PBX4: variants seen among roughly 807,000 people sequenced by gnomAD.
The protein encoded by PBX4 is PBX homeobox 4, also known as pre-B-cell leukemia transcription factor 4.
PBX4 carries 26 observed loss-of-function variants against 35.1 expected under a neutral mutation model. The observed-to-expected ratio is 0.74, with a 90% CI of 0.54 to 1.03. The LOEUF is 1.03. PBX4 is among the 50% of genes least tolerant of loss of function. PBX4 has a pLI of 0.00. For synonymous variants in PBX4, 199 were observed against 204.2 expected (o/e 0.97, Z 0.22); for missense variants, 448 against 504.3 (o/e 0.89, Z 1.07).
intron 4 of PBX4, among the ~76,000 whole-genome samples, 162 bp downstream of exon 4, chr19:19,569,947 T>A (rs1477502083): frequency 6.6e-6 from 1 of 152,106 alleles, no homozygotes; most frequent in Non-Finnish European, 1.5e-5. Context: ...AAAATAAAAA[T>A]GAAAACAGCA....
chr19:19,599,403 A>C (rs369215479), intron 1 of PBX4, 38 bp from the exon 2 acceptor site: 9 of 1,541,938 alleles, frequency 5.8e-6, no homozygotes, highest in Non-Finnish European at 7.2e-6. Flanking sequence ...TGAGAAAAGA[A>C]TAGTCATCAT....
chr19:19,564,157 A>C (rs1204648103), intron 6 of PBX4, among the ~76,000 whole-genome samples: 2 of 97,108 alleles, frequency 2.1e-5, no homozygotes, highest in Non-Finnish European at 1.9e-5. Flanking sequence ...CCCACCCCAC[A>C]ACAGTCCCCA....
intron 2 of PBX4, among the ~76,000 whole-genome samples, chr19:19,579,657 G>A (rs541469533): frequency 6.6e-6 from 1 of 152,304 alleles, no homozygotes; most frequent in Non-Finnish European, 1.5e-5. Context: ...CAGATGCCCT[G>A]ACTGACCCCT....
chr19:19,603,562 G>A (rs1436177582), intron 1 of PBX4, among the ~76,000 whole-genome samples: 2 of 152,208 alleles, frequency 1.3e-5, no homozygotes, highest in Admixed American at 6.5e-5. Flanking sequence ...ATGAGCCACG[G>A]TGCCCAGCCT....
intron 1 of PBX4, among the ~76,000 whole-genome samples, chr19:19,600,064 C>T (rs1208736582): frequency 1.3e-5 from 2 of 151,832 alleles, no homozygotes; most frequent in East Asian, 3.9e-4. Context: ...AATGCTTAAA[C>T]CTTGGAGGCA....
chr19:19,570,175 T>C lies in PBX4; in HGVS notation c.566A>G (p.Gln189Arg), dbSNP rs1420897889. Reference protein sequence around the residue: ...GAIHGKFSAIQMQLKQSTCEA... With the variant: ...GAIHGKFSAIRMQLKQSTCEA... ...ACAGGTGCTCTGCTTCAACTGCATC[T>C]GGATGGCGCTGAACTTGCCGTGAAT... Residue 189 changes from glutamine (Q) to arginine (R), a missense_variant, in exon 4 of 8, where the codon CAG becomes CGG. Transcript: ENST00000251203. The C allele has an allele frequency of 1.2e-6, 2 of 1,614,008 alleles. No homozygotes were observed. The highest frequency in any genetic ancestry group is 8.5e-7 in the Non-Finnish European group (1 of 1,179,984).
chr19:19,596,264 A>G (rs1177687845), intron 2 of PBX4, among the ~76,000 whole-genome samples: 1 of 151,910 alleles, frequency 6.6e-6, no homozygotes, highest in Admixed American at 6.6e-5. Flanking sequence ...GGTGGTGCAC[A>G]CCATAATCCC....
intron 2 of PBX4, among the ~76,000 whole-genome samples, chr19:19,590,671 G>C (rs1396767642): frequency 6.6e-6 from 1 of 152,090 alleles, no homozygotes; most frequent in African/African-American, 2.4e-5. Flanking sequence ...GTTTCACCAT[G>C]TTGGCCAGGC....
intron 2 of PBX4, among the ~76,000 whole-genome samples, chr19:19,574,010 G>A (rs368824531): frequency 7.2e-5 from 11 of 152,266 alleles, no homozygotes; most frequent in South Asian, 6.2e-4. Flanking sequence ...GATTACAGGC[G>A]TGAGTCACCA....
intron 1 of PBX4, among the ~76,000 whole-genome samples, chr19:19,617,573 T>G (rs1418599705): frequency 2.0e-5 from 3 of 152,152 alleles, no homozygotes; most frequent in Non-Finnish European, 4.4e-5. Flanking sequence ...TGTGAGCCAC[T>G]CCACCCAGTC....
At chr19:19,595,551 C>T (rs1047727600) in intron 2 of PBX4, among the ~76,000 whole-genome samples, 5 of 152,126 alleles carry the variant, frequency 3.3e-5, no homozygotes, top group Admixed American at 6.6e-5. Context: ...GGCATCTGCT[C>T]CCCACAATTT....
intron 1 of PBX4, among the ~76,000 whole-genome samples, chr19:19,604,465 T>C (rs1239542210): frequency 3.7e-4 from 2 of 5,356 alleles, no homozygotes; most frequent in Admixed American, 1.9e-3. Context: ...AGATTCCATC[T>C]CAAAAAAAAA....
chr19:19,595,889 C>A (rs950069466), intron 2 of PBX4, among the ~76,000 whole-genome samples: 3 of 152,080 alleles, frequency 2.0e-5, no homozygotes, highest in Non-Finnish European at 2.9e-5. Context: ...GAGTCACAAA[C>A]CTGGGAAGAG....
intron 2 of PBX4, 138 bp downstream of exon 2, chr19:19,599,154 A>G (rs573922663): frequency 4.4e-5 from 29 of 655,672 alleles, no homozygotes; most frequent in Non-Finnish European, 6.9e-5. Context: ...TTTTTAATAG[A>G]GACAGGGTTT....
intron 5 of PBX4, among the ~76,000 whole-genome samples, chr19:19,566,602 G>A (rs1406929780): frequency 6.6e-6 from 1 of 151,870 alleles, no homozygotes; most frequent in Non-Finnish European, 1.5e-5. Context: ...TCAGCTCACT[G>A]CAACCTCTGC....
intron 2 of PBX4, among the ~76,000 whole-genome samples, chr19:19,574,301 T>C (rs549236228): frequency 6.6e-6 from 1 of 152,312 alleles, no homozygotes; most frequent in East Asian, 1.9e-4. Context: ...CTTTTGTGCA[T>C]ATCACTCAAG....
chr19:19,592,524 G>C (rs191851692), intron 2 of PBX4, among the ~76,000 whole-genome samples: 5 of 152,276 alleles, frequency 3.3e-5, no homozygotes, highest in African/African-American at 1.2e-4. Flanking sequence ...GGCCATTCCT[G>C]GGGTTCACCA....
chr19:19,567,108 G>T (rs546188587), intron 5 of PBX4, among the ~76,000 whole-genome samples: 18 of 152,266 alleles, frequency 1.2e-4, no homozygotes, highest in African/African-American at 4.3e-4. Flanking sequence ...TGCCTACCCC[G>T]GGGGTGTGAG....
chr19:19,580,605 A>G (rs577448633), intron 2 of PBX4, among the ~76,000 whole-genome samples: 1 of 152,352 alleles, frequency 6.6e-6, no homozygotes, highest in South Asian at 2.1e-4. Flanking sequence ...AATGAGTTCT[A>G]CAAGGCATTC....
Sources: allele counts gnomAD v4.1 joint callset (sites outside exome capture counted in the v4.1 genomes callset), GRCh38; gene constraint gnomAD v4.1.1; transcripts MANE v1.5; gene names NCBI Gene and HGNC (gene_info 2026-07-23, HGNC 2026-07-21).